The following TK2 variants were observed in gnomAD, a reference collection of about 807,000 sequenced individuals.
TK2 encodes thymidine kinase 2, mitochondrial.
A neutral mutation model predicts 41.9 loss-of-function variants in TK2; 35 were observed. The ratio of observed to expected loss-of-function variants is 0.84; its 90% CI spans 0.64 to 1.11. The LOEUF (loss-of-function observed/expected upper bound fraction) is 1.11, where lower values mean the gene tolerates loss of function less well. Among genes scored for constraint, TK2 ranks in the 50% least tolerant of loss-of-function variants. The pLI, the probability that TK2 is intolerant of heterozygous loss-of-function variation, is 0.00. For missense variants in TK2, 320 were observed against 351.1 expected (o/e 0.91, Z 0.71); for synonymous variants, 128 against 129.1 (o/e 0.99, Z 0.06).
At chr16:66,550,124 C>T (rs778314612), upstream of TK2, 60 of 1,611,846 alleles carry the variant, frequency 3.7e-5, 1 homozygote, top group Middle Eastern at 1.7e-4. Flanking sequence ...CGGACGACTG[C>T]TAGTCCAGCC....
chr16:66,512,158 AG>A (rs1964470735), intron 9 of TK2, 92 bp from the exon 10 acceptor site: 22 of 1,175,018 alleles, frequency 1.9e-5, no homozygotes. Context: ...AGCAGGCAGC[AG>A]GGGGCAGGGA....
intron 6 of TK2, among the ~76,000 whole-genome samples, chr16:66,522,712 C>T (rs1434671737): frequency 6.6e-6 from 1 of 152,038 alleles, no homozygotes; most frequent in Non-Finnish European, 1.5e-5. Flanking sequence ...ACTAAAAATA[C>T]AAAATTAGCC....
chr16:66,513,927 A>G, intron 8 of TK2, 116 bp from the exon 9 acceptor site: 1 of 900,842 alleles, frequency 1.1e-6, no homozygotes, highest in Non-Finnish European at 1.8e-6. Flanking sequence ...ACTCAGACAA[A>G]GGAACCCTGC....
rs1024376358 is a variant in TK2, at chr16:66,511,779, C to T, written c.*189G>A. 3.4e-5 allele frequency: 22 copies of T among 649,904 alleles called. No individual in the cohort carries two copies. The highest frequency in any genetic ancestry group is 5.3e-5 in the Non-Finnish European group (19 of 360,160). 40.3% of individuals were successfully genotyped at this position (649,904 alleles called of 1,614,324 possible). A position where few individuals can be genotyped will look rare whatever the true frequency, so the allele number is the denominator to read the frequency against. ...AAGGGCTTGGCAAACCCATTGGTCC[C>T]GTTTGTCATTTACCCACGAGGGCCA... is the stretch of plus-strand genomic sequence containing the variant. On this transcript the variant is annotated 3_prime_UTR_variant, in exon 10 of 10. Transcript: ENST00000544898.
intron 6 of TK2, among the ~76,000 whole-genome samples, chr16:66,523,065 G>A (rs965729834): frequency 3.9e-5 from 6 of 152,144 alleles, no homozygotes; most frequent in Non-Finnish European, 7.3e-5. Flanking sequence ...ACAGCCCAAA[G>A]AGCAAGAACA....
At chr16:66,520,560 C>G (rs558601584) in intron 6 of TK2, among the ~76,000 whole-genome samples, 1 of 152,190 alleles carries the variant, frequency 6.6e-6, no homozygotes, top group Non-Finnish European at 1.5e-5. Context: ...AAGATACTTC[C>G]GCACGCTTAG....
At chr16:66,533,232 G>A (rs1965172323) in intron 4 of TK2, among the ~76,000 whole-genome samples, 2 of 144,466 alleles carry the variant, frequency 1.4e-5, no homozygotes, top group African/African-American at 5.1e-5. Context: ...ACCACACCCA[G>A]CTAAATTTTT....
rs777455139 is a variant in TK2, at chr16:66,511,942, G to C, written c.*26C>G. Reference sequence around the variant, plus strand: ...ACTTGGCAGCAGCAGGCATTTTTCAGACATGAGCCATAGACCTTTTGCCTC... The same window carrying C: ...ACTTGGCAGCAGCAGGCATTTTTCACACATGAGCCATAGACCTTTTGCCTC... On this transcript the variant is annotated 3_prime_UTR_variant, in exon 10 of 10. Transcript: ENST00000544898. 9.3e-6 allele frequency: 15 copies of C among 1,607,664 alleles called. No homozygotes were observed. The highest frequency in any genetic ancestry group is 1.2e-5 in the Non-Finnish European group (14 of 1,174,116).
chr16:66,549,979 C>T lies in TK2; in HGVS notation c.83G>A (p.Gly28Asp), dbSNP rs1175537448. 1 of 1,501,342 alleles carries T rather than the reference C, an allele frequency of 6.7e-7. No homozygotes were observed. Among genetic ancestry groups the T allele is most frequent in the Non-Finnish European group, 8.8e-7 (1 of 1,132,672 alleles). The allele number at this position is 1,501,342 out of a possible 1,614,324, so 93.0% of individuals were successfully genotyped here. A position where few individuals can be genotyped will look rare whatever the true frequency, so the allele number is the denominator to read the frequency against. ...GCGCTGCACCCTCCGCGGCCCGGGG[C>T]CTGAGGCCGGGCTCCCGCGACTTCC... The part of the protein sequence containing the change: ...GPGSRGSPAS[G>D]PGPRRVQRRA... The change falls in exon 1 of 10, where the codon GGC becomes GAC. Residue 28 changes from glycine to aspartate, a missense_variant. Coordinates refer to ENST00000544898, the MANE Select transcript of TK2 (RefSeq NM_004614.5).
intron 3 of TK2, among the ~76,000 whole-genome samples, chr16:66,540,172 T>TA (rs1965415116): frequency 6.9e-6 from 1 of 145,830 alleles, no homozygotes; most frequent in Admixed American, 7.0e-5. Flanking sequence ...CTTTCTTTTT[T>TA]CTTTTTTTTT....
chr16:66,549,155 G>C, intron 1 of TK2, 146 bp from the exon 2 acceptor site: 1 of 1,519,516 alleles, frequency 6.6e-7, no homozygotes, highest in South Asian at 1.3e-5. Context: ...CTCCGAGATT[G>C]GAGGCGCGCA....
chr16:66,541,711 C>T (rs760277116), intron 3 of TK2, among the ~76,000 whole-genome samples, 168 bp downstream of exon 3: 6 of 152,122 alleles, frequency 3.9e-5, no homozygotes, highest in Admixed American at 1.3e-4. Context: ...GCCACTGCAC[C>T]GGCCCCTTTT....
At position 66,517,814 on chromosome 16, in the gene TK2, G is replaced by A. The variant is rs546437597; in HGVS notation, c.513C>T (p.Asn171=). The A allele has an allele frequency of 6.2e-7, 1 of 1,614,126 alleles. No individual in the cohort carries two copies. The highest frequency in any genetic ancestry group is 8.5e-7 in the Non-Finnish European group (1 of 1,179,998). ...CTATCAAATCAACAGACACGTCCATGTTCCTCAAGATCCAGTCAAACCATT... is the reference window on the plus strand; with the variant it reads ...CTATCAAATCAACAGACACGTCCATATTCCTCAAGATCCAGTCAAACCATT... ...LSEWFDWILR[N]MDVSVDLIVY... Residue 171 remains asparagine (N), a synonymous_variant, in exon 7 of 10, where the codon AAC becomes AAT. Coordinates refer to ENST00000544898, the MANE Select transcript of TK2 (RefSeq NM_004614.5). This position sits in a 1 kb window ranked among gnomAD's most constrained non-coding sequence, Gnocchi z 4.3.
chr16:66,545,588 C>T (rs1965582125), intron 2 of TK2, among the ~76,000 whole-genome samples: 1 of 152,186 alleles, frequency 6.6e-6, no homozygotes, highest in African/African-American at 2.4e-5. Flanking sequence ...CTTTGGGAGG[C>T]CTAGACAGGC....
intron 8 of TK2, 56 bp from the exon 9 acceptor site, chr16:66,513,867 C>T (rs758784907): frequency 2.0e-5 from 30 of 1,491,000 alleles, no homozygotes; most frequent in Non-Finnish European, 2.6e-5. Flanking sequence ...CCCCACCTAC[C>T]AAGGGTGTCA....
chr16:66,550,023 CGCCCGGGCGGCCCAGCCCCGCAGCG>C lies in TK2; in HGVS notation c.14_38del (p.Pro5ArgfsTer40). On this transcript the variant is annotated frameshift_variant, in exon 1 of 10. Transcript: ENST00000544898. LOFTEE classifies it high-confidence loss of function. ...GACTTCCCGGCCCAAAGCAGCGCAG[CGCCCGGGCGGCCCAGCCCCGCAGCG>C]GCCACAGCAGCATAGCCGGGCGAGC... 6.5e-7 allele frequency: 1 copy of C among 1,547,838 alleles called. No homozygotes were observed. Among genetic ancestry groups the C allele is most frequent in the Non-Finnish European group, 8.7e-7 (1 of 1,147,468 alleles).
chr16:66,530,476 A>G (rs1965075677), intron 5 of TK2, among the ~76,000 whole-genome samples: 1 of 152,218 alleles, frequency 6.6e-6, no homozygotes, highest in South Asian at 2.1e-4. Context: ...CCTGTCCCCA[A>G]CACCTGATTG....
intron 6 of TK2, among the ~76,000 whole-genome samples, chr16:66,523,597 G>A (rs1227293234): frequency 6.6e-6 from 1 of 152,236 alleles, no homozygotes; most frequent in African/African-American, 2.4e-5. Flanking sequence ...GGGAGGCTGA[G>A]GCAGGCAGAT....
intron 2 of TK2, among the ~76,000 whole-genome samples, chr16:66,542,176 G>A (rs998146130): frequency 5.3e-5 from 8 of 152,212 alleles, no homozygotes; most frequent in Admixed American, 5.2e-4. Context: ...GGTCCCCCCA[G>A]ACCAGATCCT....
Sources: allele counts gnomAD v4.1 joint callset (sites outside exome capture counted in the v4.1 genomes callset), GRCh38; gene constraint gnomAD v4.1.1; non-coding constraint Gnocchi (gnomAD v3.1); transcripts MANE v1.5; gene names NCBI Gene and HGNC (gene_info 2026-07-23, HGNC 2026-07-21).